Variants in NAV3 observed in about 807,000 individuals in gnomAD.
The protein encoded by NAV3 is neuron navigator 3.
NAV3 carries 87 observed loss-of-function variants against 244.7 expected under a neutral mutation model. The ratio of observed to expected loss-of-function variants is 0.36; its 90% CI spans 0.30 to 0.42. NAV3 has a LOEUF of 0.42. NAV3 is among the 20% of genes least tolerant of loss of function. The probability of loss-of-function intolerance (pLI) is 1.00; values close to 1 mark genes in which losing one functional copy is unlikely to be tolerated. For missense variants in NAV3, 2,663 were observed against 2,893.3 expected (o/e 0.92, Z 1.83); for synonymous variants, 1,126 against 1,042.2 (o/e 1.08, Z -1.55).
intron 2 of NAV3, among the ~76,000 whole-genome samples, chr12:77,730,881 C>A (rs1347539431): frequency 6.6e-6 from 1 of 150,736 alleles, no homozygotes; most frequent in Non-Finnish European, 1.5e-5. Context: ...ACATTTGAAG[C>A]TGAATATTCT....
rs768821524 is a variant in NAV3 at position 78,188,620 on chromosome 12, C to A, written c.5898C>A (p.Phe1966Leu). ...VIRRLFKEYV[F>L]RIDTSTSLGL... ...GTGTACCATTGTAGGAATATGTATT[C>A]CGAATTGATACATCCACTAGCCTTG... The change falls in exon 33 of 40, where the codon TTC becomes TTA. Residue 1966 changes from phenylalanine to leucine, a missense_variant. Transcript: ENST00000397909. 3 of 1,610,270 alleles carry A rather than the reference C, an allele frequency of 1.9e-6. No individual in the cohort carries two copies. The Admixed American group carries it at 5.0e-5, about 27-fold the overall frequency.
chr12:78,095,304 G>A (rs758550394), intron 12 of NAV3, among the ~76,000 whole-genome samples: 1 of 151,904 alleles, frequency 6.6e-6, no homozygotes, highest in Non-Finnish European at 1.5e-5. Context: ...TTCTATAAAT[G>A]TCCTCAATCA....
At chr12:78,111,541 T>C (rs1210375542) in intron 12 of NAV3, among the ~76,000 whole-genome samples, 1 of 152,008 alleles carries the variant, frequency 6.6e-6, no homozygotes, top group Non-Finnish European at 1.5e-5. Context: ...ATCAGAGAAA[T>C]ACAAAATAAA....
chr12:78,069,817 T>C (rs1053840674), intron 12 of NAV3, among the ~76,000 whole-genome samples: 1 of 152,068 alleles, frequency 6.6e-6, no homozygotes, highest in African/African-American at 2.4e-5. Flanking sequence ...TATATGTGTA[T>C]GTATATATAT....
intron 1 of NAV3, among the ~76,000 whole-genome samples, chr12:77,836,485 A>T (rs1036830960): frequency 5.3e-5 from 8 of 152,192 alleles, no homozygotes; most frequent in African/African-American, 1.9e-4. Flanking sequence ...CTTGTATTTT[A>T]TAGAAAATTT....
intron 1 of NAV3, among the ~76,000 whole-genome samples, chr12:77,879,069 T>C (rs549507705): frequency 6.6e-6 from 1 of 152,110 alleles, no homozygotes; most frequent in South Asian, 2.1e-4. Context: ...GCTCTAAATA[T>C]AGGGAACCCA....
rs933445398 is a variant in NAV3, at chr12:78,132,195, A to G, written c.4441+3329A>G. Reference sequence around the variant, plus strand: ...CACTTGGGAATGTATTTTATTACATAGTTTTCAGAGTTAAAACACAATTAA... The same window carrying G: ...CACTTGGGAATGTATTTTATTACATGGTTTTCAGAGTTAAAACACAATTAA... On this transcript the variant is annotated intron_variant, in intron 18 of 39. Transcript: ENST00000397909. 6.6e-5 allele frequency among the ~76,000 whole-genome samples: 10 copies of G among 150,840 alleles called. No homozygotes were observed. In the Admixed American group the frequency reaches 6.8e-4, roughly 10 times the overall value.
chr12:78,116,452 A>G (rs555881911), intron 12 of NAV3, among the ~76,000 whole-genome samples: 44 of 152,272 alleles, frequency 2.9e-4, no homozygotes, highest in Admixed American at 2.4e-3. Flanking sequence ...TAAGGATAAA[A>G]AAGTCAGCTG....
At chr12:77,754,491 A>G (rs1273114082) in intron 2 of NAV3, among the ~76,000 whole-genome samples, 2 of 152,130 alleles carry the variant, frequency 1.3e-5, no homozygotes, top group Non-Finnish European at 1.5e-5. Context: ...TTCCCTTTTC[A>G]TGTTATCAAT....
intron 1 of NAV3, among the ~76,000 whole-genome samples, chr12:77,939,155 A>G (rs1218831593): frequency 6.6e-6 from 1 of 152,156 alleles, no homozygotes; most frequent in Non-Finnish European, 1.5e-5. Flanking sequence ...AGTTTTTAAC[A>G]TGCTTGGCAT....
chr12:78,033,659 G>A (rs748165712), intron 9 of NAV3, among the ~76,000 whole-genome samples: 3 of 152,122 alleles, frequency 2.0e-5, no homozygotes, highest in Non-Finnish European at 4.4e-5. Flanking sequence ...GTAACCACAA[G>A]TTAATAACAA....
intron 18 of NAV3, among the ~76,000 whole-genome samples, chr12:78,134,272 A>G (rs1471237): frequency 0.73 from 111,135 of 151,948 alleles, 41,008 homozygotes; most frequent in Middle Eastern, 0.78. Context: ...AGAATCTCAC[A>G]GTCAGAAGAG....
chr12:77,821,275 T>C (rs948229802), intron 2 of NAV3, among the ~76,000 whole-genome samples: 2 of 152,210 alleles, frequency 1.3e-5, no homozygotes, highest in African/African-American at 2.4e-5. Context: ...AACTGGGAAC[T>C]GGAACTGATT....
chr12:77,588,055 G>A (rs1869697198), intron 2 of NAV3, among the ~76,000 whole-genome samples: 2 of 152,084 alleles, frequency 1.3e-5, no homozygotes, highest in African/African-American at 2.4e-5. Flanking sequence ...ATTTATTTGT[G>A]CACATCCATC....
intron 1 of NAV3, among the ~76,000 whole-genome samples, chr12:77,841,903 A>C (rs1378997064): frequency 6.6e-6 from 1 of 152,198 alleles, no homozygotes; most frequent in East Asian, 1.9e-4. Context: ...ACTCTATTTC[A>C]TTGGTCAGAA....
chr12:77,656,990 C>T (rs1411582667), intron 2 of NAV3, among the ~76,000 whole-genome samples: 3 of 152,012 alleles, frequency 2.0e-5, no homozygotes, highest in Non-Finnish European at 2.9e-5. Context: ...GCACTAAATG[C>T]CCAAAAGAGA....
At chr12:77,969,187 T>A (rs994370874) in intron 5 of NAV3, among the ~76,000 whole-genome samples, 14 of 151,952 alleles carry the variant, frequency 9.2e-5, no homozygotes, top group Admixed American at 7.2e-4. Flanking sequence ...TGTGTGTGTG[T>A]ATGTGTGTAT....
intron 2 of NAV3, among the ~76,000 whole-genome samples, chr12:77,820,693 T>C (rs993618193): frequency 2.6e-5 from 4 of 152,168 alleles, no homozygotes; most frequent in African/African-American, 9.7e-5. Flanking sequence ...TCGCACACTC[T>C]ACCAGTGTGT....
At chr12:77,916,245 G>A (rs1469355322) in intron 1 of NAV3, among the ~76,000 whole-genome samples, 3 of 151,918 alleles carry the variant, frequency 2.0e-5, no homozygotes, top group Non-Finnish European at 4.4e-5. Context: ...CAAAACAAAA[G>A]GAACTATTTA....
Sources: allele counts gnomAD v4.1 joint callset (sites outside exome capture counted in the v4.1 genomes callset), GRCh38; gene constraint gnomAD v4.1.1; transcripts MANE v1.5; gene names NCBI Gene and HGNC (gene_info 2026-07-23, HGNC 2026-07-21).